Variants in CSPP1 observed in about 807,000 individuals in gnomAD.
The protein encoded by CSPP1 is centrosome and spindle pole associated protein 1.
A neutral mutation model predicts 164.4 loss-of-function variants in CSPP1; 126 were observed. That is an observed-to-expected ratio of 0.77 (90% CI 0.66 to 0.89). The LOEUF (loss-of-function observed/expected upper bound fraction) is 0.89, where lower values mean the gene tolerates loss of function less well. Ranked by LOEUF, CSPP1 falls within the 40% of genes least tolerant of loss-of-function variation. The pLI is 0.00. For missense variants in CSPP1, 1,395 were observed against 1,449.8 expected (o/e 0.96, Z 0.61); for synonymous variants, 472 against 476.7 (o/e 0.99, Z 0.13).
rs746424292 is a variant in CSPP1 at position 67,064,446 on chromosome 8, C to CGAT, written c.-102_-100dup. The CGAT allele has an allele frequency of 2.5e-6, 4 of 1,613,962 alleles. No individual in the cohort carries two copies. Among genetic ancestry groups the CGAT allele is most frequent in the Non-Finnish European group, 3.4e-6 (4 of 1,179,908 alleles). On this transcript the variant is annotated 5_prime_UTR_variant, in exon 1 of 31. In the 5' UTR this introduces an upstream ATG that the reference lacks. Coordinates refer to ENST00000678616, the MANE Select transcript of CSPP1 (RefSeq NM_001382391.1). ...CCGCTGTAACCTCTTCGGTCCGCGA[C>CGAT]GATCCTCTAGAGCACTGTGTGTCTC... is the stretch of plus-strand genomic sequence containing the variant.
At chr8:67,127,812 G>C (rs1015254566) in intron 15 of CSPP1, among the ~76,000 whole-genome samples, 2 of 152,046 alleles carry the variant, frequency 1.3e-5, no homozygotes, top group African/African-American at 2.4e-5. Flanking sequence ...TTTTCTGAAG[G>C]CCACATTAAA....
Position 67,164,421 on chromosome 8 carries a change from C to T in CSPP1, c.2741C>T (p.Ser914Leu), listed in dbSNP as rs779579881. The change falls in exon 24 of 31, where the codon TCA becomes TTA. Residue 914 changes from serine (S) to leucine (L), a missense_variant. By Grantham distance (145) the Ser-to-Leu change is moderately radical. Transcript: ENST00000678616. Reference sequence around the variant, plus strand: ...AAAAAAAATGTAATTATGGAATTATCAGAAATGAGAAAACAGCTTCGTAGT... The same window carrying T: ...AAAAAAAATGTAATTATGGAATTATTAGAAATGAGAAAACAGCTTCGTAGT... ...EEKKNVIMEL[S>L]EMRKQLRSEE... 6.3e-7 allele frequency: 1 copy of T among 1,595,076 alleles called. No homozygotes were observed. Among genetic ancestry groups the T allele is most frequent in the Admixed American group, 1.7e-5 (1 of 59,882 alleles).
chr8:67,108,052 T>C (rs1816002650), intron 9 of CSPP1, among the ~76,000 whole-genome samples: 1 of 148,834 alleles, frequency 6.7e-6, no homozygotes, highest in Non-Finnish European at 1.5e-5. Flanking sequence ...TAGTATGTAC[T>C]TGAAAGAATG....
rs1366721510 is a variant in CSPP1, at chr8:67,185,938, C to G, written c.3221-4712C>G. On this transcript the variant is annotated intron_variant, in intron 28 of 30. Transcript: ENST00000678616. The stretch of plus-strand genomic sequence containing the variant: ...AAAACTCCTAAAACACCAAAAGGAC[C>G]TAGTTCTGTAGGTCCTTTGCACTTA... Among the ~76,000 whole-genome samples the G allele has an allele frequency of 3.3e-5, 5 of 152,156 alleles. No individual in the cohort carries two copies. In the East Asian group the frequency reaches 9.6e-4, roughly 29 times the overall value.
At chr8:67,151,519 A>G (rs1481982264) in intron 18 of CSPP1, among the ~76,000 whole-genome samples, 1 of 152,132 alleles carries the variant, frequency 6.6e-6, no homozygotes, top group Non-Finnish European at 1.5e-5. Flanking sequence ...TATCTTAGTA[A>G]TAACACTTTT....
At chr8:67,098,958 C>G (rs758478746) in intron 7 of CSPP1, among the ~76,000 whole-genome samples, 3 of 150,434 alleles carry the variant, frequency 2.0e-5, no homozygotes, top group Admixed American at 6.6e-5. Flanking sequence ...GTTTCATTAG[C>G]TTCTTTTTTT....
chr8:67,092,223 G>A (rs548910995), intron 5 of CSPP1, among the ~76,000 whole-genome samples: 3 of 152,250 alleles, frequency 2.0e-5, no homozygotes, highest in Non-Finnish European at 2.9e-5. Context: ...ATAAGTGGAT[G>A]TGAAATTATA....
Position 67,179,917 on chromosome 8 carries a change from G to A in CSPP1, c.3211G>A (p.Ala1071Thr), listed in dbSNP as rs1288819804. Residue 1071 changes from alanine (A) to threonine (T), a missense_variant, in exon 28 of 31, where the codon GCT becomes ACT. Ala to Thr is a moderately conservative substitution (Grantham distance 58, BLOSUM62 0). Coordinates refer to ENST00000678616, the MANE Select transcript of CSPP1 (RefSeq NM_001382391.1). ...AAACTCATTATTGGAATCTGATAGT[G>A]CTTTTATTGGTGAGTATATTTATTT... ...LKNSLLESDS[A>T]FIGAYGETYP... is the part of the protein sequence containing the mutation. 2 of 1,549,866 alleles carry A rather than the reference G, an allele frequency of 1.3e-6. No individual in the cohort carries two copies. Among genetic ancestry groups the A allele is most frequent in the African/African-American group, 1.4e-5 (1 of 73,648 alleles).
At position 67,193,512 on chromosome 8, in the gene CSPP1, A is replaced by G. The variant is rs1837007248; in HGVS notation, c.3379A>G (p.Ile1127Val). 1 of 1,612,890 alleles carries G rather than the reference A, an allele frequency of 6.2e-7. No individual in the cohort carries two copies. The highest frequency in any genetic ancestry group is 8.5e-7 in the Non-Finnish European group (1 of 1,178,808). The part of the protein sequence containing the change: ...VAPDGLSLKS[I>V]SSVNVDELRV... Reference sequence around the variant, plus strand: ...ACCAGATGGTCTCTCTCTAAAATCTATATCCAGTGTAAATGTTGATGAGCT... The same window carrying G: ...ACCAGATGGTCTCTCTCTAAAATCTGTATCCAGTGTAAATGTTGATGAGCT... The change falls in exon 30 of 31, where the codon ATA (isoleucine) becomes GTA (valine). Residue 1127 changes from isoleucine (I) to valine (V), a missense_variant. Coordinates refer to ENST00000678616, the MANE Select transcript of CSPP1 (RefSeq NM_001382391.1).
intron 24 of CSPP1, among the ~76,000 whole-genome samples, chr8:67,166,988 C>G (rs1464808364): frequency 6.6e-6 from 1 of 152,106 alleles, no homozygotes; most frequent in South Asian, 2.1e-4. Context: ...CGCCCTTAAT[C>G]CATTTAACCC....
At position 67,137,480 on chromosome 8, in the gene CSPP1, A is replaced by G. The variant is rs775086609; in HGVS notation, c.1852A>G (p.Lys618Glu). ...GATTCGGGAAAGAGAAGAAAGAAGGAAGAAAGAACGTGAAGAAAAAGAAGA... is the reference window on the plus strand; with the variant it reads ...GATTCGGGAAAGAGAAGAAAGAAGGGAGAAAGAACGTGAAGAAAAAGAAGA... ...QQIREREERR[K>E]KEREEKEEYE... The change falls in exon 17 of 31, where the codon AAG (lysine) becomes GAG (glutamate). Residue 618 changes from lysine (K) to glutamate (E), a missense_variant. Coordinates refer to ENST00000678616, the MANE Select transcript of CSPP1 (RefSeq NM_001382391.1). 1 of 1,538,394 alleles carries G rather than the reference A, an allele frequency of 6.5e-7. No homozygotes were observed. The highest frequency in any genetic ancestry group is 1.4e-5 in the African/African-American group (1 of 72,210).
At chr8:67,156,106 T>C (rs2129559532) in intron 19 of CSPP1, among the ~76,000 whole-genome samples, 1 of 152,270 alleles carries the variant, frequency 6.6e-6, no homozygotes, top group Non-Finnish European at 1.5e-5. Flanking sequence ...TAAGGTAGAA[T>C]TCAGCCAAAA....
chr8:67,084,939 G>A (rs1163143853), intron 3 of CSPP1, among the ~76,000 whole-genome samples: 1 of 152,044 alleles, frequency 6.6e-6, no homozygotes, highest in Admixed American at 6.6e-5. Flanking sequence ...TGATAGCTTT[G>A]TTGAGATATA....
At chr8:67,103,177 T>G in intron 8 of CSPP1, 42 bp downstream of exon 8, 3 of 1,218,786 alleles carry the variant, frequency 2.5e-6, no homozygotes, top group Non-Finnish European at 3.6e-6. Flanking sequence ...GTCATTACAT[T>G]GTGAAACAGA....
At chr8:67,124,165 C>T (rs1247551889) in intron 15 of CSPP1, among the ~76,000 whole-genome samples, 1 of 152,146 alleles carries the variant, frequency 6.6e-6, no homozygotes. Context: ...TCCCAAAGTG[C>T]TGGGATTACA....
intron 16 of CSPP1, chr8:67,134,845 G>A (rs1821933269): frequency 6.6e-6 from 1 of 152,230 alleles, no homozygotes; most frequent in South Asian, 2.1e-4. Context: ...TTACAGTTGT[G>A]AGCCACCGTG....
Position 67,093,573 on chromosome 8 carries a change from T to C in CSPP1, c.415T>C (p.Tyr139His). The C allele has an allele frequency of 6.2e-7, 1 of 1,611,408 alleles. No homozygotes were observed. The highest frequency in any genetic ancestry group is 2.2e-5 in the East Asian group (1 of 44,816). ...GTTGAAACTTGAACGTAACAAAGAATACAATCAGTTTCTCAGGGGTAAGGA... is the reference window on the plus strand; with the variant it reads ...GTTGAAACTTGAACGTAACAAAGAACACAATCAGTTTCTCAGGGGTAAGGA... ...ERLKLERNKE[Y>H]NQFLRGKEES... is the part of the protein sequence containing the mutation. The change falls in exon 6 of 31, where the codon TAC becomes CAC. Residue 139 changes from tyrosine (Y) to histidine (H), a missense_variant. By Grantham distance (83) the Tyr-to-His change is moderately conservative. Coordinates refer to ENST00000678616, the MANE Select transcript of CSPP1 (RefSeq NM_001382391.1).
chr8:67,145,223 T>C (rs1824291143), intron 17 of CSPP1, among the ~76,000 whole-genome samples: 1 of 152,068 alleles, frequency 6.6e-6, no homozygotes, highest in Non-Finnish European at 1.5e-5. Flanking sequence ...ATTATTCATT[T>C]TATTTATTTA....
In CSPP1 at chr8:67,163,811, A is replaced by T. The variant is rs768573206; in HGVS notation, c.2710+13A>T. ...CTCCGTGCAGAAGGTAGAGTTAACT[A>T]CTAAACCTGTTACCTAGAGTATTTC... On this transcript the variant is annotated intron_variant, in intron 23 of 30. Coordinates refer to ENST00000678616, the MANE Select transcript of CSPP1 (RefSeq NM_001382391.1). 1 of 1,584,998 alleles carries T rather than the reference A, an allele frequency of 6.3e-7. No homozygotes were observed. The highest frequency in any genetic ancestry group is 1.7e-5 in the Admixed American group (1 of 58,420).
Sources: gnomAD v4.1 joint callset for allele counts (sites outside exome capture counted in the v4.1 genomes callset) on GRCh38, gnomAD v4.1.1 for gene constraint, MANE v1.5 for transcripts, NCBI Gene and HGNC (gene_info 2026-07-23, HGNC 2026-07-21) for gene names.